SLC10A7: variants seen among roughly 807,000 people sequenced by gnomAD.
SLC10A7 encodes solute carrier family 10 member 7.
SLC10A7 carries 29 observed loss-of-function variants against 43.2 expected under a neutral mutation model. The ratio of observed to expected loss-of-function variants is 0.67; its 90% confidence interval spans 0.50 to 0.92. SLC10A7 has a LOEUF of 0.92. Ranked by LOEUF, SLC10A7 falls within the 40% of genes least tolerant of loss-of-function variation. The pLI, the probability that SLC10A7 is intolerant of heterozygous loss-of-function variation, is 0.00. For missense variants in SLC10A7, 295 were observed against 403.2 expected (o/e 0.73, Z 2.30); for synonymous variants, 152 against 144.8 (o/e 1.05, Z -0.35).
chr4:146,331,473 C>T (rs72950657), intron 5 of SLC10A7, among the ~76,000 whole-genome samples: 2,098 of 152,200 alleles, frequency 0.014, 52 homozygotes, highest in African/African-American at 0.048. Context: ...TAGGCATTGG[C>T]CAGTTTTGTC....
intron 5 of SLC10A7, among the ~76,000 whole-genome samples, chr4:146,328,922 C>T (rs915378794): frequency 6.6e-6 from 1 of 152,140 alleles, no homozygotes; most frequent in Non-Finnish European, 1.5e-5. Flanking sequence ...AACATGACAC[C>T]TTCAAAGGAA....
At chr4:146,442,750 T>C in intron 5 of SLC10A7, 33 bp downstream of exon 5, 1 of 1,599,340 alleles carries the variant, frequency 6.3e-7, no homozygotes, top group South Asian at 1.1e-5. Context: ...ACAGCAAAAG[T>C]TGTAATAGAC....
At chr4:146,457,434 T>G (rs1732158733) in intron 4 of SLC10A7, among the ~76,000 whole-genome samples, 1 of 151,960 alleles carries the variant, frequency 6.6e-6, no homozygotes, top group Non-Finnish European at 1.5e-5. Flanking sequence ...AAATTATTAT[T>G]GACTATAGTC....
chr4:146,270,641 A>G (rs1728834248), intron 10 of SLC10A7, among the ~76,000 whole-genome samples: 1 of 152,174 alleles, frequency 6.6e-6, no homozygotes, highest in Non-Finnish European at 1.5e-5. Context: ...GGGCCAGGTT[A>G]AAGAGCCAGG....
At position 146,410,492 on chromosome 4, in the gene SLC10A7, C is replaced by T. The variant is rs536533966; in HGVS notation, c.435+32291G>A. Among the ~76,000 whole-genome samples the T allele has an allele frequency of 1.2e-3, 180 of 152,228 alleles. 1 individual carries two copies. Among genetic ancestry groups the T allele is most frequent in the Middle Eastern group, 6.8e-3 (2 of 294 alleles). ...ACACACATAGACTTCCTACAATGAG[C>T]CAGGCCGACTGTTTTAAATTTAATA... On this transcript the variant is annotated intron_variant, in intron 5 of 11. Coordinates refer to ENST00000335472, the MANE Select transcript of SLC10A7 (RefSeq NM_001029998.6).
chr4:146,521,566 A>G, intron 1 of SLC10A7, 52 bp downstream of exon 1: 1 of 1,499,010 alleles, frequency 6.7e-7, no homozygotes, highest in Non-Finnish European at 9.2e-7. Flanking sequence ...AGACTCACAA[A>G]TTAGTTCTGA....
Position 146,517,151 on chromosome 4 carries a change from A to G in SLC10A7, c.101-31T>C, listed in dbSNP as rs755366549. 2.3e-5 allele frequency: 36 copies of G among 1,542,800 alleles called. 1 individual carries two copies. In the South Asian group the frequency reaches 2.7e-4, roughly 11 times the overall value. On this transcript the variant is annotated intron_variant, in intron 1 of 11. Transcript: ENST00000335472. ...AAGAGAAAAAAGAGTTATTGCTAGA[A>G]AAGAATTTCAGTAGATAACTTGGCA...
intron 5 of SLC10A7, among the ~76,000 whole-genome samples, chr4:146,363,048 C>A (rs1407280061): frequency 6.6e-6 from 1 of 152,074 alleles, no homozygotes; most frequent in Non-Finnish European, 1.5e-5. Context: ...GGACCAAATT[C>A]TCCAATCAAA....
chr4:146,394,282 T>C (rs1290624745), intron 5 of SLC10A7, among the ~76,000 whole-genome samples: 1 of 152,212 alleles, frequency 6.6e-6, no homozygotes, highest in Non-Finnish European at 1.5e-5. Context: ...ACCAGTGCTG[T>C]GACTAAATAA....
Position 146,394,293 on chromosome 4 carries a change from C to A in SLC10A7, c.435+48490G>T, listed in dbSNP as rs571686642. Among the ~76,000 whole-genome samples, 408 of 152,268 alleles carry A rather than the reference C, an allele frequency of 2.7e-3. 1 individual carries two copies. Among genetic ancestry groups the A allele is most frequent in the African/African-American group, 9.2e-3 (383 of 41,552 alleles). On this transcript the variant is annotated intron_variant, in intron 5 of 11. Transcript: ENST00000335472. ...ATCTACCAGTGCTGTGACTAAATAA[C>A]AAAATCAATAGGTATTGTTTCTTAT... is the stretch of plus-strand genomic sequence containing the variant.
At chr4:146,401,069 C>T (rs1431022486) in intron 5 of SLC10A7, among the ~76,000 whole-genome samples, 1 of 152,166 alleles carries the variant, frequency 6.6e-6, no homozygotes, top group South Asian at 2.1e-4. Flanking sequence ...AGATTCAGAA[C>T]AGCTAAAATT....
chr4:146,352,139 C>T (rs1735164731), intron 5 of SLC10A7, among the ~76,000 whole-genome samples: 1 of 107,250 alleles, frequency 9.3e-6, no homozygotes, highest in Non-Finnish European at 1.8e-5. Flanking sequence ...TTCAGGAAAC[C>T]CATCTCACGT....
chr4:146,286,578 C>G (rs1314391811), intron 9 of SLC10A7, among the ~76,000 whole-genome samples: 2 of 112,296 alleles, frequency 1.8e-5, no homozygotes, highest in Non-Finnish European at 3.4e-5. Context: ...GTGAGAAGGA[C>G]CGAGTCTGGA....
chr4:146,346,919 G>A (rs986295627), intron 5 of SLC10A7, among the ~76,000 whole-genome samples: 2 of 152,008 alleles, frequency 1.3e-5, no homozygotes, highest in Admixed American at 6.6e-5. Flanking sequence ...CCCAAGAGGA[G>A]GGGGGAAACA....
At chr4:146,356,504 C>G (rs1402050116) in intron 5 of SLC10A7, among the ~76,000 whole-genome samples, 1 of 151,912 alleles carries the variant, frequency 6.6e-6, no homozygotes, top group Non-Finnish European at 1.5e-5. Context: ...CCTTCTTCCC[C>G]TAGATCTTCC....
At chr4:146,366,021 C>T (rs892443330) in intron 5 of SLC10A7, among the ~76,000 whole-genome samples, 43 of 152,174 alleles carry the variant, frequency 2.8e-4, no homozygotes, top group African/African-American at 1.0e-3. Flanking sequence ...AGGTTGTGTG[C>T]TCCTTATGAG....
At chr4:146,483,569 A>G (rs557678108) in intron 4 of SLC10A7, among the ~76,000 whole-genome samples, 1 of 152,306 alleles carries the variant, frequency 6.6e-6, no homozygotes, top group East Asian at 1.9e-4. Context: ...AATAAAGAAC[A>G]AAACAACCAG....
intron 1 of SLC10A7, among the ~76,000 whole-genome samples, chr4:146,520,018 C>A (rs1461421487): frequency 2.0e-5 from 3 of 152,166 alleles, no homozygotes; most frequent in Non-Finnish European, 4.4e-5. Flanking sequence ...CATGCCACTG[C>A]AGAAAAGCCC....
intron 5 of SLC10A7, among the ~76,000 whole-genome samples, chr4:146,411,815 T>C (rs1005679853): frequency 2.0e-5 from 3 of 152,182 alleles, no homozygotes; most frequent in East Asian, 3.8e-4. Context: ...TTTTAAAATA[T>C]AGAGATGTAA....
Sources: gnomAD v4.1 joint callset for allele counts (sites outside exome capture counted in the v4.1 genomes callset) on GRCh38, gnomAD v4.1.1 for gene constraint, MANE v1.5 for transcripts, NCBI Gene and HGNC (gene_info 2026-07-23, HGNC 2026-07-21) for gene names.